The following AKIP1 variants were observed in gnomAD, a reference collection of about 807,000 sequenced individuals.
The protein encoded by AKIP1 is A-kinase interacting protein 1.
A neutral mutation model predicts 22.3 loss-of-function variants in AKIP1; 18 were observed. The ratio of observed to expected loss-of-function variants is 0.81; its 90% CI spans 0.56 to 1.19. AKIP1 has a LOEUF of 1.19. Among genes scored for constraint, AKIP1 ranks in the 50% most tolerant of loss-of-function variants. AKIP1 has a pLI of 0.00. For missense variants in AKIP1, 287 were observed against 264.6 expected (o/e 1.08, Z -0.59); for synonymous variants, 120 against 102.7 (o/e 1.17, Z -1.02).
In AKIP1 at chr11:8,911,608, C is replaced by T; in HGVS notation, c.159C>T (p.Ala53=). 1 of 1,603,690 alleles carries T rather than the reference C, an allele frequency of 6.2e-7. No homozygotes were observed. The highest frequency in any genetic ancestry group is 8.5e-7 in the Non-Finnish European group (1 of 1,176,556). The part of the protein sequence containing the change: ...ERPKGCMGVL[A]REAPHLEKQP... ...CCAAAGGCTGCATGGGGGTCCTTGC[C>T]CGGGAGGCGCCCCACCTAGAGAAAC... Residue 53 remains alanine, a synonymous_variant, in exon 2 of 6, where the codon GCC becomes GCT. Transcript: ENST00000309377.
At chr11:8,915,264 A>G (rs2134807538) in intron 4 of AKIP1, among the ~76,000 whole-genome samples, 1 of 151,274 alleles carries the variant, frequency 6.6e-6, no homozygotes, top group East Asian at 1.9e-4. Context: ...TATCCCCTGC[A>G]TTCTATCCTG....
At position 8,919,453 on chromosome 11, in the gene AKIP1, A is replaced by G; in HGVS notation, c.606A>G (p.Gln202=). ...KTHVVAVDSG[Q]SVDLVFPV ...ATGTGGTAGCAGTTGATTCTGGACAAAGCGTGGACCTGGTCTTCCCTGTGT... is the reference window on the plus strand; with the variant it reads ...ATGTGGTAGCAGTTGATTCTGGACAGAGCGTGGACCTGGTCTTCCCTGTGT... The change falls in exon 6 of 6, where the codon CAA becomes CAG. Residue 202 remains glutamine (Q), a synonymous_variant. Coordinates refer to ENST00000309377, the MANE Select transcript of AKIP1 (RefSeq NM_020642.4). 6.2e-7 allele frequency: 1 copy of G among 1,614,178 alleles called. No individual in the cohort carries two copies. Among genetic ancestry groups the G allele is most frequent in the Admixed American group, 1.7e-5 (1 of 60,010 alleles).
intron 4 of AKIP1, among the ~76,000 whole-genome samples, chr11:8,915,819 C>CTTTTTT (rs1258666817): frequency 3.1e-4 from 38 of 124,014 alleles, no homozygotes; most frequent in South Asian, 5.6e-4. Context: ...ATTTTTCTTT[C>CTTTTTT]TTTTTTTTTT....
At position 8,911,688 on chromosome 11, in the gene AKIP1, C is replaced by A. The variant is rs373160050; in HGVS notation, c.222+17C>A. 1.0e-4 allele frequency: 151 copies of A among 1,495,852 alleles called. No individual in the cohort carries two copies. Among genetic ancestry groups the A allele is most frequent in the Non-Finnish European group, 1.3e-4 (144 of 1,123,994 alleles). The allele number at this position is 1,495,852 out of a possible 1,614,324, so 92.7% of individuals were successfully genotyped here. On this transcript the variant is annotated intron_variant, in intron 2 of 5. Transcript: ENST00000309377. ...CCGGGAGAGGTGAGGGTCGCTGTGC[C>A]GGGGGCCGCCCCAGTCCTTCGCGCC...
intron 5 of AKIP1, 24 bp downstream of exon 5, chr11:8,917,391 C>A (rs747195358): frequency 3.8e-6 from 6 of 1,581,912 alleles, no homozygotes; most frequent in Non-Finnish European, 5.2e-6. Context: ...TGCTTACGCA[C>A]TGGGTTTCAC....
intron 4 of AKIP1, 146 bp downstream of exon 4, chr11:8,915,076 G>A: frequency 1.7e-6 from 1 of 585,830 alleles, no homozygotes; most frequent in East Asian, 2.8e-5. Flanking sequence ...TAAATTCATA[G>A]CCTTAGAGAA....
At chr11:8,915,063 G>C in intron 4 of AKIP1, 133 bp downstream of exon 4, 1 of 621,356 alleles carries the variant, frequency 1.6e-6, no homozygotes, top group Non-Finnish European at 2.8e-6. Context: ...TAACAGAAAT[G>C]TGTAAATTCA....
chr11:8,917,377 G>C lies in AKIP1; in HGVS notation c.489+10G>C. 1 of 1,609,796 alleles carries C rather than the reference G, an allele frequency of 6.2e-7. No individual in the cohort carries two copies. The stretch of plus-strand genomic sequence containing the variant: ...AGAGGCATCCCAGCCTGTGAGTACG[G>C]AACTGCTTACGCACTGGGTTTCACC... On this transcript the variant is annotated intron_variant, in intron 5 of 5. Transcript: ENST00000309377.
chr11:8,912,066 G>C (rs2064376151), intron 2 of AKIP1, among the ~76,000 whole-genome samples: 1 of 150,938 alleles, frequency 6.6e-6, no homozygotes, highest in African/African-American at 2.4e-5. Context: ...GCGTGGTGGC[G>C]CATGTCTGTA....
chr11:8,912,711 A>G (rs1021688766), intron 3 of AKIP1, among the ~76,000 whole-genome samples, 178 bp downstream of exon 3: 2 of 152,162 alleles, frequency 1.3e-5, no homozygotes, highest in Non-Finnish European at 2.9e-5. Flanking sequence ...AATTCACCCA[A>G]TAAATGTTTA....
intron 3 of AKIP1, among the ~76,000 whole-genome samples, chr11:8,914,143 T>C (rs1473065036): frequency 6.6e-6 from 1 of 152,228 alleles, no homozygotes. Flanking sequence ...GTCACATGTT[T>C]TTTAGACAGT....
intron 3 of AKIP1, among the ~76,000 whole-genome samples, 159 bp downstream of exon 3, chr11:8,912,692 C>G (rs1399449162): frequency 1.4e-4 from 22 of 152,044 alleles, no homozygotes; most frequent in Non-Finnish European, 3.2e-4. Flanking sequence ...GGGGGTAAAT[C>G]CAAGTTAGAA....
chr11:8,912,341 C>A, intron 2 of AKIP1, 112 bp from the exon 3 acceptor site: 1 of 786,016 alleles, frequency 1.3e-6, no homozygotes. Context: ...TTCTTTCTGA[C>A]ATAAACTTGC....
chr11:8,911,595 T>G lies in AKIP1; in HGVS notation c.146T>G (p.Met49Arg), dbSNP rs533464078. ...WHALERPKGCMGVLAREAPHL... is the reference protein window; with the variant it reads ...WHALERPKGCRGVLAREAPHL... ...GCCCTGGAGCGTCCCAAAGGCTGCATGGGGGTCCTTGCCCGGGAGGCGCCC... is the reference window on the plus strand; with the variant it reads ...GCCCTGGAGCGTCCCAAAGGCTGCAGGGGGGTCCTTGCCCGGGAGGCGCCC... Residue 49 changes from methionine (M) to arginine (R), a missense_variant, in exon 2 of 6, where the codon ATG (methionine) becomes AGG (arginine). Met to Arg is a moderately conservative substitution (Grantham distance 91, BLOSUM62 -1). Transcript: ENST00000309377. 10 of 1,607,014 alleles carry G rather than the reference T, an allele frequency of 6.2e-6. No homozygotes were observed. Among genetic ancestry groups the G allele is most frequent in the Non-Finnish European group, 8.5e-6 (10 of 1,177,928 alleles).
intron 3 of AKIP1, among the ~76,000 whole-genome samples, chr11:8,914,513 C>T (rs990412299): frequency 6.6e-6 from 1 of 152,202 alleles, no homozygotes; most frequent in African/African-American, 2.4e-5. Context: ...GTGCATTGGA[C>T]ATGGGGGCAA....
intron 2 of AKIP1, 144 bp from the exon 3 acceptor site, chr11:8,912,309 G>A: frequency 4.7e-6 from 3 of 644,038 alleles, no homozygotes; most frequent in South Asian, 3.8e-5. Flanking sequence ...TTTAGAGTTG[G>A]AATTCTTTCT....
At chr11:8,912,349 T>C in intron 2 of AKIP1, 104 bp from the exon 3 acceptor site, 1 of 856,070 alleles carries the variant, frequency 1.2e-6, no homozygotes, top group Non-Finnish European at 2.0e-6. Flanking sequence ...GACATAAACT[T>C]GCAGAGCCTT....
At chr11:8,915,008 G>A (rs953869255) in intron 4 of AKIP1, 78 bp downstream of exon 4, 1 of 1,133,752 alleles carries the variant, frequency 8.8e-7, no homozygotes, top group Non-Finnish European at 1.3e-6. Flanking sequence ...GCCCCTGCTA[G>A]ACTTTGTGTC....
intron 4 of AKIP1, among the ~76,000 whole-genome samples, chr11:8,915,489 G>A (rs1483248910): frequency 6.7e-6 from 1 of 149,262 alleles, no homozygotes; most frequent in Non-Finnish European, 1.5e-5. Context: ...AACCTCCCAA[G>A]TAGCTGGGAC....
Sources: gnomAD v4.1 joint callset for allele counts (sites outside exome capture counted in the v4.1 genomes callset) on GRCh38, gnomAD v4.1.1 for gene constraint, MANE v1.5 for transcripts, NCBI Gene and HGNC (gene_info 2026-07-23, HGNC 2026-07-21) for gene names.